The following DENND5B variants were observed in gnomAD, a reference collection of about 807,000 sequenced individuals.
The protein encoded by DENND5B is DENN domain containing 5B, also known as DENN domain-containing protein 5B.
In DENND5B, 34 loss-of-function variants were observed where a neutral mutation model predicts 140.6. That is an observed-to-expected ratio of 0.24 (90% CI 0.18 to 0.32). DENND5B has a LOEUF of 0.32. Ranked by LOEUF, DENND5B falls within the 10% of genes least tolerant of loss-of-function variation. DENND5B has a pLI of 1.00. For missense variants in DENND5B, 1,142 were observed against 1,560.2 expected, an observed-to-expected ratio of 0.73 and a Z score of 4.52; for synonymous variants, 551 against 562.1, an observed-to-expected ratio of 0.98 and a Z score of 0.28.
chr12:31,411,436 C>T (rs1464138613), intron 13 of DENND5B, among the ~76,000 whole-genome samples: 1 of 148,630 alleles, frequency 6.7e-6, no homozygotes, highest in Non-Finnish European at 1.5e-5. Flanking sequence ...CTTCCGCCTC[C>T]TGGGTTCAAG....
chr12:31,560,876 T>C (rs1949451421), intron 1 of DENND5B, among the ~76,000 whole-genome samples: 1 of 152,192 alleles, frequency 6.6e-6, no homozygotes, highest in East Asian at 1.9e-4. Context: ...AAAGATCACC[T>C]CTCAGTGAGG....
At chr12:31,409,238 T>G (rs749959201) in intron 14 of DENND5B, 25 bp downstream of exon 14, 2 of 1,553,738 alleles carry the variant, frequency 1.3e-6, no homozygotes, top group Non-Finnish European at 1.7e-6. Flanking sequence ...TCAGTAACCC[T>G]TAACGGTCAA....
At chr12:31,396,901 C>G (rs1941505335) in intron 17 of DENND5B, among the ~76,000 whole-genome samples, 1 of 152,138 alleles carries the variant, frequency 6.6e-6, no homozygotes, top group Non-Finnish European at 1.5e-5. Context: ...GGAAAGAATA[C>G]ATATGATGGC....
At chr12:31,440,722 C>T (rs1341001444) in intron 7 of DENND5B, among the ~76,000 whole-genome samples, 9 of 152,022 alleles carry the variant, frequency 5.9e-5, no homozygotes, top group Non-Finnish European at 1.2e-4. Flanking sequence ...TGCAGTGATG[C>T]GATCACATCA....
rs1234009016 is a variant in DENND5B at position 31,569,060 on chromosome 12, C to CTT, written c.127+21644_127+21645dup. 4.6e-3 allele frequency among the ~76,000 whole-genome samples: 428 copies of CTT among 93,042 alleles called. 6 individuals are homozygous for CTT. The highest frequency in any genetic ancestry group is 9.5e-3 in the African/African-American group (189 of 19,972). The allele number at this position is 93,042 out of a possible 152,430, so 61.0% of individuals were successfully genotyped here. On this transcript the variant is annotated intron_variant, in intron 1 of 20. Transcript: ENST00000389082. ...CATGCCACCACACCCAGCAACATAC[C>CTT]TTTTTTTTTTTTTTTTTTTTTTTGA...
chr12:31,523,251 T>TG (rs1357951835), intron 1 of DENND5B, among the ~76,000 whole-genome samples: 2 of 151,856 alleles, frequency 1.3e-5, no homozygotes, highest in Admixed American at 6.6e-5. Context: ...TTAGTAGAGA[T>TG]GGGGGTTTGC....
chr12:31,425,256 G>A (rs1173321240), intron 9 of DENND5B, among the ~76,000 whole-genome samples: 1 of 152,208 alleles, frequency 6.6e-6, no homozygotes, highest in East Asian at 1.9e-4. Context: ...AGGTTGCAGT[G>A]AGCTGAGATC....
In DENND5B at chr12:31,518,086, G is replaced by A. The variant is rs112433070; in HGVS notation, c.128-22167C>T. ...TGCAAAGTGGAGAGGCAGGGAAAGA[G>A]CTTTATAAACTGAAGCTCTGGAAGT... On this transcript the variant is annotated intron_variant, in intron 1 of 20. Transcript: ENST00000389082. Among the ~76,000 whole-genome samples the A allele has an allele frequency of 1.5e-3, 234 of 152,288 alleles. 1 individual carries two copies. Among genetic ancestry groups the A allele is most frequent in the African/African-American group, 5.1e-3 (214 of 41,558 alleles).
chr12:31,441,895 C>A (rs11609909), intron 7 of DENND5B, among the ~76,000 whole-genome samples: 16,901 of 151,326 alleles, frequency 0.11, 1,111 homozygotes, highest in East Asian at 0.25. Context: ...ATTGGCTAGG[C>A]TGGTCCTGAA....
At chr12:31,430,778 G>C (rs926048789) in intron 8 of DENND5B, among the ~76,000 whole-genome samples, 1 of 152,192 alleles carries the variant, frequency 6.6e-6, no homozygotes, top group African/African-American at 2.4e-5. Flanking sequence ...CAGTACATAT[G>C]GGGCAGGTAC....
rs1006736556 is a variant in DENND5B at position 31,383,942 on chromosome 12, CATTTA to C, written c.*3656_*3660del. On this transcript the variant is annotated 3_prime_UTR_variant, in exon 21 of 21. Transcript: ENST00000389082. Reference sequence around the variant, plus strand: ...GCAAAAATAATCATTATGGTCCCAGCATTTAATTTATTTGCAGGAAAAAAACAAAT... The same window carrying C: ...GCAAAAATAATCATTATGGTCCCAGCATTTATTTGCAGGAAAAAAACAAAT... 2 of 152,060 alleles carry C rather than the reference CATTTA, an allele frequency of 1.3e-5. No homozygotes were observed. Among genetic ancestry groups the C allele is most frequent in the Non-Finnish European group, 2.9e-5 (2 of 68,018 alleles). 9.4% of individuals were successfully genotyped at this position (152,060 alleles called of 1,614,324 possible). A position where few individuals can be genotyped will look rare whatever the true frequency, so the allele number is the denominator to read the frequency against.
intron 1 of DENND5B, among the ~76,000 whole-genome samples, chr12:31,573,585 G>C (rs1949897665): frequency 6.6e-6 from 1 of 152,220 alleles, no homozygotes; most frequent in African/African-American, 2.4e-5. Context: ...CCAGGGAAAA[G>C]TGAATGTAAT....
intron 7 of DENND5B, among the ~76,000 whole-genome samples, chr12:31,436,085 G>A (rs972440721): frequency 6.6e-6 from 1 of 150,626 alleles, no homozygotes; most frequent in Non-Finnish European, 1.5e-5. Context: ...AGGTGTGTCT[G>A]TTCCCAGCTG....
At chr12:31,439,049 C>T (rs1043828188) in intron 7 of DENND5B, among the ~76,000 whole-genome samples, 1 of 152,206 alleles carries the variant, frequency 6.6e-6, no homozygotes, top group Non-Finnish European at 1.5e-5. Context: ...AAGCAAACTG[C>T]TATGAAGTCC....
At chr12:31,575,798 T>C (rs1592081286) in intron 1 of DENND5B, among the ~76,000 whole-genome samples, 1 of 151,804 alleles carries the variant, frequency 6.6e-6, no homozygotes, top group East Asian at 1.9e-4. Context: ...ACAAAAAAAT[T>C]TAAAAATTAA....
At chr12:31,539,445 T>C (rs1299892875) in intron 1 of DENND5B, among the ~76,000 whole-genome samples, 1 of 152,144 alleles carries the variant, frequency 6.6e-6, no homozygotes, top group East Asian at 1.9e-4. Flanking sequence ...TACAGACCAA[T>C]ATCACTGATG....
rs1941695454 is a variant in DENND5B, at chr12:31,399,659, T to C, written c.3063A>G (p.Thr1021=). The change falls in exon 16 of 21, where the codon ACA becomes ACG. Residue 1021 remains threonine, a synonymous_variant. Transcript: ENST00000389082. ...VMVRNEITGH[T]YRFPCGRWLG... ...TCCCAAGGCCATTTACTTACCTGTA[T>C]GTATGTCCTGTGATTTCATTTCTGA... 1.2e-6 allele frequency: 2 copies of C among 1,612,946 alleles called. No individual in the cohort carries two copies. The highest frequency in any genetic ancestry group is 3.3e-5 in the Admixed American group (2 of 59,982).
intron 1 of DENND5B, among the ~76,000 whole-genome samples, chr12:31,573,490 T>C (rs1377637408): frequency 6.6e-6 from 1 of 152,250 alleles, no homozygotes; most frequent in Non-Finnish European, 1.5e-5. Flanking sequence ...TGCCCCATAA[T>C]GATTCAACAA....
intron 8 of DENND5B, chr12:31,432,042 C>T: frequency 1.0e-6 from 1 of 984,788 alleles, no homozygotes. Flanking sequence ...AAAGAACATA[C>T]CAGGCAGCAC....
Sources: gnomAD v4.1 joint callset for allele counts (sites outside exome capture counted in the v4.1 genomes callset) on GRCh38, gnomAD v4.1.1 for gene constraint, MANE v1.5 for transcripts, NCBI Gene and HGNC (gene_info 2026-07-23, HGNC 2026-07-21) for gene names.